NAV2: variants seen among roughly 807,000 people sequenced by gnomAD.
NAV2 encodes neuron navigator 2.
A neutral mutation model predicts 223.2 loss-of-function variants in NAV2; 54 were observed. The ratio of observed to expected loss-of-function variants is 0.24; its 90% CI spans 0.19 to 0.30. NAV2 has a LOEUF of 0.30. Among genes scored for constraint, NAV2 ranks in the 10% least tolerant of loss-of-function variants. The pLI, the probability that NAV2 is intolerant of heterozygous loss-of-function variation, is 1.00. For missense variants in NAV2, 2,806 were observed against 3,147.5 expected (o/e 0.89, Z 2.60); for synonymous variants, 1,279 against 1,239.3 (o/e 1.03, Z -0.67).
intron 6 of NAV2, among the ~76,000 whole-genome samples, chr11:19,901,805 C>T (rs1458815629): frequency 1.3e-5 from 2 of 152,212 alleles, no homozygotes; most frequent in Non-Finnish European, 2.9e-5. Context: ...TATTGCCTCA[C>T]TAACCTTTAG....
chr11:19,859,281 C>A (rs1417915199), intron 3 of NAV2, among the ~76,000 whole-genome samples: 10 of 148,744 alleles, frequency 6.7e-5, no homozygotes, highest in African/African-American at 2.5e-4. Context: ...GGCAGAGGAC[C>A]CTGCGGCCTT....
At chr11:20,079,198 G>A (rs868760672) in intron 24 of NAV2, among the ~76,000 whole-genome samples, 1 of 152,118 alleles carries the variant, frequency 6.6e-6, no homozygotes, top group Non-Finnish European at 1.5e-5. Flanking sequence ...ATGCGAACAC[G>A]CCTGGCTGGT....
chr11:19,616,202 C>T (rs2046783835), intron 1 of NAV2, among the ~76,000 whole-genome samples: 1 of 151,704 alleles, frequency 6.6e-6, no homozygotes, highest in Admixed American at 6.6e-5. Flanking sequence ...TCTTGGAGTC[C>T]AGAAGTCCAG....
Position 19,713,306 on chromosome 11 carries a change from G to A in NAV2, c.-390G>A, listed in dbSNP as rs1009455520. On this transcript the variant is annotated 5_prime_UTR_variant, in exon 1 of 38. Coordinates refer to ENST00000349880, the MANE Select transcript of NAV2 (RefSeq NM_145117.5). This position sits in a 1 kb window ranked among gnomAD's most constrained non-coding sequence, Gnocchi z 7.2. ...CGCCGCCTCTGTCTCTTCCAAAGGG[G>A]CCTCCTCACTTCGGAGATGCAGTGA... 4.3e-5 allele frequency: 45 copies of A among 1,040,060 alleles called. No individual in the cohort carries two copies. Among genetic ancestry groups the A allele is most frequent in the African/African-American group, 3.4e-5 (2 of 59,468 alleles). 64.4% of individuals were successfully genotyped at this position (1,040,060 alleles called of 1,614,324 possible).
At chr11:19,391,884 G>A (rs947052469) in intron 1 of NAV2, among the ~76,000 whole-genome samples, 1 of 152,160 alleles carries the variant, frequency 6.6e-6, no homozygotes, top group Non-Finnish European at 1.5e-5. Context: ...CCACCCATCA[G>A]CTCAACTCGC....
At chr11:19,528,080 G>A (rs2043901858) in intron 1 of NAV2, among the ~76,000 whole-genome samples, 1 of 152,130 alleles carries the variant, frequency 6.6e-6, no homozygotes, top group African/African-American at 2.4e-5. Context: ...CCTGCTGTGT[G>A]GTACATGGCA....
intron 10 of NAV2, among the ~76,000 whole-genome samples, chr11:19,964,204 T>G (rs2048564945): frequency 6.6e-6 from 1 of 152,114 alleles, no homozygotes; most frequent in East Asian, 1.9e-4. Context: ...GACTGGATTT[T>G]CTCCCTCCTT....
At chr11:19,644,595 G>A (rs1024357632) in intron 1 of NAV2, among the ~76,000 whole-genome samples, 1 of 152,248 alleles carries the variant, frequency 6.6e-6, no homozygotes, top group Non-Finnish European at 1.5e-5. Context: ...GGATCACAGG[G>A]CAGCTGCAGA....
At chr11:19,972,674 T>C (rs1199372413) in intron 10 of NAV2, among the ~76,000 whole-genome samples, 2 of 152,202 alleles carry the variant, frequency 1.3e-5, no homozygotes, top group South Asian at 4.1e-4. Flanking sequence ...CAAGATGCTA[T>C]GGGAGGCTTT....
At chr11:20,075,999 C>T (rs2059726993) in intron 22 of NAV2, among the ~76,000 whole-genome samples, 1 of 152,194 alleles carries the variant, frequency 6.6e-6, no homozygotes, top group Non-Finnish European at 1.5e-5. Flanking sequence ...TTGTCACTTT[C>T]TCATTCCCAA....
chr11:19,950,997 C>T (rs1468174179), intron 10 of NAV2, among the ~76,000 whole-genome samples: 1 of 152,172 alleles, frequency 6.6e-6, no homozygotes, highest in African/African-American at 2.4e-5. Flanking sequence ...TGGGGCAGAG[C>T]CCTCTCTGTA....
intron 1 of NAV2, among the ~76,000 whole-genome samples, chr11:19,540,300 A>G (rs1278496981): frequency 6.6e-6 from 1 of 152,166 alleles, no homozygotes; most frequent in Non-Finnish European, 1.5e-5. Flanking sequence ...CTTTCTAAAG[A>G]CAAGCCCAAG....
chr11:20,075,227 T>G (rs34401537), intron 22 of NAV2, among the ~76,000 whole-genome samples: 18,429 of 144,520 alleles, frequency 0.13, 1,341 homozygotes, highest in South Asian at 0.21. Flanking sequence ...GTTTTGTTTT[T>G]TTTTTTTTTG....
At chr11:19,995,902 T>C (rs777264363) in intron 11 of NAV2, among the ~76,000 whole-genome samples, 11 of 152,034 alleles carry the variant, frequency 7.2e-5, no homozygotes, top group Admixed American at 1.3e-4. Flanking sequence ...GCACTAATAG[T>C]GGGTGCTGCC....
At chr11:19,738,808 G>GC (rs1478370222) in intron 1 of NAV2, among the ~76,000 whole-genome samples, 2 of 152,192 alleles carry the variant, frequency 1.3e-5, no homozygotes, top group African/African-American at 4.8e-5. Flanking sequence ...TGTCCAAGCT[G>GC]CCCACAGCAG....
At chr11:19,390,584 A>G (rs1190215454) in intron 1 of NAV2, among the ~76,000 whole-genome samples, 1 of 152,220 alleles carries the variant, frequency 6.6e-6, no homozygotes, top group African/African-American at 2.4e-5. Context: ...GGGGGGAATG[A>G]AACATCAAAC....
Position 19,880,097 on chromosome 11 carries a change from A to C in NAV2, c.740A>C (p.Gln247Pro), listed in dbSNP as rs762725317. The C allele has an allele frequency of 4.4e-6, 7 of 1,604,500 alleles. No homozygotes were observed. In the East Asian group the frequency reaches 1.1e-4, roughly 26 times the overall value. The change falls in exon 5 of 38, where the codon CAG becomes CCG. Residue 247 changes from glutamine (Q) to proline (P), a missense_variant. This residue lies in a region of NAV2 where 1,167 missense variants were observed against 1,180.5 expected (regional missense o/e 0.99). Coordinates refer to ENST00000349880, the MANE Select transcript of NAV2 (RefSeq NM_145117.5). Reference sequence around the variant, plus strand: ...CCTCACCAGCCAGCGCCACATCAGCAGTCAAAAGCACAAGCTGAAATGCAG... The same window carrying C: ...CCTCACCAGCCAGCGCCACATCAGCCGTCAAAAGCACAAGCTGAAATGCAG... ...CQPHQPAPHQ[Q>P]SKAQAEMQSR...
chr11:19,970,073 T>C lies in NAV2; in HGVS notation c.2646-14052T>C, dbSNP rs182996206. ...TCTCTCTCTCTCTCAAAATATCTTA[T>C]TGTACCATACTCACCCAATGTGAGA... On this transcript the variant is annotated intron_variant, in intron 10 of 37. Coordinates refer to ENST00000349880, the MANE Select transcript of NAV2 (RefSeq NM_145117.5). Among the ~76,000 whole-genome samples the C allele has an allele frequency of 1.8e-4, 28 of 152,348 alleles. No homozygotes were observed. The East Asian group carries it at 4.6e-3, about 25-fold the overall frequency.
chr11:19,502,530 T>C (rs1300102127), intron 1 of NAV2: 2 of 152,204 alleles, frequency 1.3e-5, no homozygotes, highest in Non-Finnish European at 2.9e-5. Flanking sequence ...ATAAGAAGTC[T>C]TGGAGTCCAG....
Sources: allele counts gnomAD v4.1 joint callset (sites outside exome capture counted in the v4.1 genomes callset), GRCh38; gene constraint gnomAD v4.1.1; regional missense constraint gnomAD v4.1.1; non-coding constraint Gnocchi (gnomAD v3.1); transcripts MANE v1.5; gene names NCBI Gene and HGNC (gene_info 2026-07-23, HGNC 2026-07-21).